SEPTIN2: variants seen among roughly 807,000 people sequenced by gnomAD.
The protein encoded by SEPTIN2 is septin 2.
SEPTIN2 carries 34 observed loss-of-function variants against 46.5 expected under a neutral mutation model. The ratio of observed to expected loss-of-function variants is 0.73; its 90% confidence interval spans 0.56 to 0.97. The LOEUF is 0.97. Among genes scored for constraint, SEPTIN2 ranks in the 50% least tolerant of loss-of-function variants. The probability of loss-of-function intolerance (pLI) is 0.00; values close to 1 mark genes in which losing one functional copy is unlikely to be tolerated. For synonymous variants in SEPTIN2, 175 were observed against 153.4 expected, an observed-to-expected ratio of 1.14 and a Z score of -1.04; for missense variants, 347 against 448.4, an observed-to-expected ratio of 0.77 and a Z score of 2.04.
chr2:241,329,787 C>T (rs2078680475), intron 3 of SEPTIN2, among the ~76,000 whole-genome samples: 1 of 152,130 alleles, frequency 6.6e-6, no homozygotes, highest in Non-Finnish European at 1.5e-5. Flanking sequence ...CTTAGAACTT[C>T]TTAAAAGAGG....
At chr2:241,323,145 C>T (rs984284845) in intron 1 of SEPTIN2, among the ~76,000 whole-genome samples, 7 of 151,248 alleles carry the variant, frequency 4.6e-5, no homozygotes, top group Non-Finnish European at 8.8e-5. Context: ...GGATTACAGG[C>T]GTCAGCCACT....
chr2:241,317,996 G>A (rs2076616157), intron 1 of SEPTIN2, among the ~76,000 whole-genome samples: 1 of 152,122 alleles, frequency 6.6e-6, no homozygotes, highest in African/African-American at 2.4e-5. Context: ...AGTTTGTGTT[G>A]CTGGATCAAG....
intron 3 of SEPTIN2, among the ~76,000 whole-genome samples, chr2:241,333,790 A>T (rs2079431837): frequency 6.6e-6 from 1 of 152,208 alleles, no homozygotes. Context: ...GGCGTGGGCC[A>T]CCGCGCCCGG....
At chr2:241,326,165 C>G in intron 3 of SEPTIN2, 52 bp downstream of exon 3, 1 of 1,547,532 alleles carries the variant, frequency 6.5e-7, no homozygotes, top group Non-Finnish European at 8.8e-7. Context: ...TCTCCCCTTT[C>G]CAATCTCTGG....
chr2:241,348,118 T>G lies in SEPTIN2; in HGVS notation c.927-16T>G, dbSNP rs1453198339. On this transcript the variant is annotated splice_polypyrimidine_tract_variant and intron_variant, in intron 10 of 12. Transcript: ENST00000391971. ...TTTGTTGCAGTGTTATGATTCTGATTTCTTTCGATTCTTAGGAAAGTGGAG... is the reference window on the plus strand; with the variant it reads ...TTTGTTGCAGTGTTATGATTCTGATGTCTTTCGATTCTTAGGAAAGTGGAG... The G allele has an allele frequency of 4.4e-6, 7 of 1,607,098 alleles. No individual in the cohort carries two copies. Among genetic ancestry groups the G allele is most frequent in the Non-Finnish European group, 6.0e-6 (7 of 1,175,774 alleles).
chr2:241,350,040 T>A, intron 11 of SEPTIN2, 33 bp from the exon 12 acceptor site: 1 of 1,602,918 alleles, frequency 6.2e-7, no homozygotes, highest in Non-Finnish European at 8.5e-7. Context: ...ACAGCAAACC[T>A]TGAAAACCTA....
intron 3 of SEPTIN2, among the ~76,000 whole-genome samples, chr2:241,332,933 A>G (rs1036334113): frequency 1.3e-5 from 2 of 152,214 alleles, no homozygotes; most frequent in Admixed American, 1.3e-4. Flanking sequence ...ATAGTGACAA[A>G]GTAGATTGGT....
In SEPTIN2 at chr2:241,333,226, A is replaced by C. The variant is rs143764169; in HGVS notation, c.131-1900A>C. ...AATTGTAGTATTAATAGCTCAAGAA[A>C]AATGGGTGTATCAGGAAAACCCTAA... On this transcript the variant is annotated intron_variant, in intron 3 of 12. Transcript: ENST00000391971. Among the ~76,000 whole-genome samples the C allele has an allele frequency of 6.6e-3, 999 of 152,326 alleles. 8 individuals carry two copies. The highest frequency in any genetic ancestry group is 0.012 in the Admixed American group (191 of 15,308).
intron 3 of SEPTIN2, among the ~76,000 whole-genome samples, chr2:241,329,391 G>A (rs1457571165): frequency 1.3e-5 from 2 of 152,044 alleles, no homozygotes; most frequent in African/African-American, 4.8e-5. Flanking sequence ...GCCTCTCAAA[G>A]CGCTAGGATT....
intron 1 of SEPTIN2, among the ~76,000 whole-genome samples, chr2:241,322,709 TA>T (rs1429276118): frequency 2.0e-5 from 3 of 152,212 alleles, no homozygotes; most frequent in Admixed American, 1.3e-4. Flanking sequence ...CCTTTCCTCA[TA>T]AATGTAGTTC....
At chr2:241,345,068 G>A (rs933238538) in intron 9 of SEPTIN2, among the ~76,000 whole-genome samples, 2 of 151,890 alleles carry the variant, frequency 1.3e-5, no homozygotes, top group South Asian at 4.1e-4. Context: ...AGCCGGGATT[G>A]CGCCACTGCA....
intron 1 of SEPTIN2, chr2:241,316,279 G>T: frequency 2.2e-6 from 1 of 454,986 alleles, no homozygotes. Context: ...CTGCACTGTC[G>T]TCGGTGCTGG....
intron 4 of SEPTIN2, chr2:241,335,467 A>G (rs2079795422): frequency 2.2e-6 from 2 of 908,040 alleles, no homozygotes; most frequent in Non-Finnish European, 3.5e-6. Context: ...GTTTCTGCCT[A>G]TATTAAATAT....
intron 2 of SEPTIN2, chr2:241,325,273 A>G (rs574187595): frequency 4.6e-5 from 7 of 152,274 alleles, no homozygotes; most frequent in South Asian, 2.1e-4. Context: ...GCCACTGTCT[A>G]GATTCTGGTT....
intron 12 of SEPTIN2, among the ~76,000 whole-genome samples, chr2:241,350,859 C>G (rs1307601279): frequency 6.6e-6 from 1 of 152,194 alleles, no homozygotes; most frequent in Non-Finnish European, 1.5e-5. Context: ...TATGGACAGG[C>G]AGGCTCTCTG....
chr2:241,350,041 T>G (rs778450782), intron 11 of SEPTIN2, 32 bp from the exon 12 acceptor site: 2 of 1,604,278 alleles, frequency 1.2e-6, no homozygotes, highest in Non-Finnish European at 8.5e-7. Flanking sequence ...CAGCAAACCT[T>G]GAAAACCTAT....
rs547311206 is a variant in SEPTIN2 at position 241,340,131 on chromosome 2, G to A, written c.594+2341G>A. ...TTGTAACAATTTACATTTCCAAAGTGTACTCTTCTCTCCACCCCCTAAAAC... is the reference window on the plus strand; with the variant it reads ...TTGTAACAATTTACATTTCCAAAGTATACTCTTCTCTCCACCCCCTAAAAC... On this transcript the variant is annotated intron_variant, in intron 7 of 12. Coordinates refer to ENST00000391971, the MANE Select transcript of SEPTIN2 (RefSeq NM_004404.5). Among the ~76,000 whole-genome samples, 14 of 152,264 alleles carry A rather than the reference G, an allele frequency of 9.2e-5. 1 individual carries two copies. In the South Asian group the frequency reaches 2.9e-3, roughly 32 times the overall value.
intron 1 of SEPTIN2, 40 bp from the exon 2 acceptor site, chr2:241,324,176 A>T (rs1187919030): frequency 6.3e-7 from 1 of 1,596,588 alleles, no homozygotes. Context: ...CATACTATGT[A>T]TGTGCGTTTA....
At chr2:241,321,165 A>T (rs1211303868) in intron 1 of SEPTIN2, among the ~76,000 whole-genome samples, 1 of 152,092 alleles carries the variant, frequency 6.6e-6, no homozygotes. Context: ...GCTAAATCAG[A>T]TGTATTTGTT....
Sources: allele counts gnomAD v4.1 joint callset (sites outside exome capture counted in the v4.1 genomes callset), GRCh38; gene constraint gnomAD v4.1.1; transcripts MANE v1.5; gene names NCBI Gene and HGNC (gene_info 2026-07-23, HGNC 2026-07-21).